CFAP61: variants seen among roughly 807,000 people sequenced by gnomAD.
CFAP61 encodes cilia- and flagella-associated protein 61.
In CFAP61, 107 loss-of-function variants were observed where a neutral mutation model predicts 135.6. The ratio of observed to expected loss-of-function variants is 0.79; its 90% CI spans 0.67 to 0.93. The LOEUF (loss-of-function observed/expected upper bound fraction) is 0.93, where lower values mean the gene tolerates loss of function less well. Among genes scored for constraint, CFAP61 ranks in the 40% least tolerant of loss-of-function variants. CFAP61 has a pLI of 0.00. For synonymous variants in CFAP61, 575 were observed against 578.5 expected (o/e 0.99, Z 0.09); for missense variants, 1,507 against 1,556.2 (o/e 0.97, Z 0.53).
intron 9 of CFAP61, among the ~76,000 whole-genome samples, chr20:20,149,653 A>G (rs2052232156): frequency 6.6e-6 from 1 of 152,242 alleles, no homozygotes; most frequent in Admixed American, 6.5e-5. Context: ...AGTGTGAAAT[A>G]TAAAAGTAGA....
chr20:20,282,349 T>G (rs895745466), intron 22 of CFAP61, among the ~76,000 whole-genome samples: 2 of 152,160 alleles, frequency 1.3e-5, no homozygotes, highest in Non-Finnish European at 2.9e-5. Flanking sequence ...CTTCTTGCTT[T>G]GGATTTACTT....
intron 18 of CFAP61, among the ~76,000 whole-genome samples, chr20:20,239,414 T>C (rs1324121717): frequency 6.6e-6 from 1 of 152,186 alleles, no homozygotes; most frequent in African/African-American, 2.4e-5. Flanking sequence ...AGGAGGTTGA[T>C]GTTACAAAGA....
At chr20:20,199,634 T>G in intron 16 of CFAP61, 134 bp from the exon 17 acceptor site, 2 of 875,804 alleles carry the variant, frequency 2.3e-6, no homozygotes, top group Non-Finnish European at 1.8e-6. Flanking sequence ...GTATGTTTGT[T>G]TATTTGCTGA....
At chr20:20,303,281 G>A (rs1303959168) in intron 25 of CFAP61, among the ~76,000 whole-genome samples, 1 of 152,206 alleles carries the variant, frequency 6.6e-6, no homozygotes, top group Non-Finnish European at 1.5e-5. Context: ...GACTCGGTGA[G>A]TTTGAGACTA....
At chr20:20,141,265 T>C (rs888768605) in intron 8 of CFAP61, among the ~76,000 whole-genome samples, 2 of 152,130 alleles carry the variant, frequency 1.3e-5, no homozygotes, top group African/African-American at 4.8e-5. Flanking sequence ...GGAACAGACA[T>C]ATGTAGAAAT....
At chr20:20,336,218 G>A (rs1485565843) in intron 25 of CFAP61, among the ~76,000 whole-genome samples, 5 of 152,214 alleles carry the variant, frequency 3.3e-5, no homozygotes. Context: ...TCTTACTAAT[G>A]ATGGATTTGT....
intron 13 of CFAP61, among the ~76,000 whole-genome samples, chr20:20,177,843 T>C (rs1353868450): frequency 2.6e-5 from 4 of 151,426 alleles, no homozygotes; most frequent in African/African-American, 7.3e-5. Context: ...ACAGGAAGGG[T>C]GGCCATGAGT....
chr20:20,201,002 A>G, intron 17 of CFAP61: 1 of 969,012 alleles, frequency 1.0e-6, no homozygotes, highest in South Asian at 4.8e-5. Flanking sequence ...ATCATTGTAA[A>G]TTTATATGTG....
intron 25 of CFAP61, among the ~76,000 whole-genome samples, 180 bp from the exon 26 acceptor site, chr20:20,341,651 T>A (rs2058447996): frequency 6.6e-6 from 1 of 152,208 alleles, no homozygotes; most frequent in Non-Finnish European, 1.5e-5. Flanking sequence ...GGACCTGGCC[T>A]TACAGCAGGA....
intron 25 of CFAP61, among the ~76,000 whole-genome samples, chr20:20,327,572 T>C (rs2057798078): frequency 6.6e-6 from 1 of 152,128 alleles, no homozygotes; most frequent in Non-Finnish European, 1.5e-5. Flanking sequence ...AGACTCTCTT[T>C]GGGCTAAGGT....
rs6046717 is a variant in CFAP61 at position 20,192,265 on chromosome 20, A to G, written c.1590+846A>G. ...TCAAAAACGTCTTGTGGCTTCTTTC[A>G]TGTGGTTTTCTTTGCATCGTATTTT... is the stretch of plus-strand genomic sequence containing the variant. On this transcript the variant is annotated intron_variant, in intron 15 of 26. Coordinates refer to ENST00000245957, the MANE Select transcript of CFAP61 (RefSeq NM_015585.4). 5.5e-3 allele frequency among the ~76,000 whole-genome samples: 841 copies of G among 151,748 alleles called. 16 individuals are homozygous for G. Among genetic ancestry groups the G allele is most frequent in the African/African-American group, 0.018 (754 of 41,288 alleles).
intron 25 of CFAP61, among the ~76,000 whole-genome samples, chr20:20,318,803 G>A (rs1021483707): frequency 4.6e-5 from 7 of 152,226 alleles, no homozygotes; most frequent in African/African-American, 1.4e-4. Flanking sequence ...TGGGGGTCAG[G>A]AGGGATCCTG....
intron 17 of CFAP61, chr20:20,215,237 C>G (rs2047966376): frequency 6.6e-6 from 1 of 152,204 alleles, no homozygotes; most frequent in Non-Finnish European, 1.5e-5. Flanking sequence ...GTCAAAGCAG[C>G]CACTGGCTTC....
chr20:20,194,055 CT>C (rs2056114124), intron 15 of CFAP61, among the ~76,000 whole-genome samples: 2 of 152,108 alleles, frequency 1.3e-5, no homozygotes, highest in South Asian at 4.1e-4. Context: ...ATTAAATTTT[CT>C]TTTTGTATCT....
chr20:20,059,809 G>GA (rs1386707319), intron 2 of CFAP61, among the ~76,000 whole-genome samples: 1 of 151,980 alleles, frequency 6.6e-6, no homozygotes, highest in Non-Finnish European at 1.5e-5. Context: ...AAATTACCCA[G>GA]AGCTCAACAC....
At chr20:20,102,306 C>T (rs983717316) in intron 8 of CFAP61, among the ~76,000 whole-genome samples, 1 of 152,220 alleles carries the variant, frequency 6.6e-6, no homozygotes, top group Non-Finnish European at 1.5e-5. Flanking sequence ...TTCCTACCAG[C>T]TGTGAAAGCA....
At chr20:20,092,335 A>G (rs549808052) in intron 7 of CFAP61, among the ~76,000 whole-genome samples, 1 of 152,336 alleles carries the variant, frequency 6.6e-6, no homozygotes, top group African/African-American at 2.4e-5. Context: ...TTTCTAAACA[A>G]ATCAGAAGGC....
chr20:20,090,741 T>A, intron 6 of CFAP61, 103 bp from the exon 7 acceptor site: 1 of 956,570 alleles, frequency 1.0e-6, no homozygotes, highest in Non-Finnish European at 1.6e-6. Context: ...TGAGTGTTGC[T>A]CTAGCCCCGG....
In CFAP61 at chr20:20,269,156, C is replaced by CATGTATATAT. The variant is rs1569219299; in HGVS notation, c.2503+6027_2503+6028insTGTATATATA. ...ATATATATATATATATACACACACA[C>CATGTATATAT]ACACACACATACATATATGTATATA... is the stretch of plus-strand genomic sequence containing the variant. On this transcript the variant is annotated intron_variant, in intron 21 of 26. Coordinates refer to ENST00000245957, the MANE Select transcript of CFAP61 (RefSeq NM_015585.4). 4.0e-4 allele frequency among the ~76,000 whole-genome samples: 38 copies of CATGTATATAT among 94,612 alleles called. 1 individual carries two copies. The highest frequency in any genetic ancestry group is 0.013 in the Middle Eastern group (2 of 154). 62.1% of individuals were successfully genotyped at this position (94,612 alleles called of 152,430 possible). A position where few individuals can be genotyped will look rare whatever the true frequency, so the allele number is the denominator to read the frequency against.
Sources: allele counts gnomAD v4.1 joint callset (sites outside exome capture counted in the v4.1 genomes callset), GRCh38; gene constraint gnomAD v4.1.1; transcripts MANE v1.5; gene names NCBI Gene and HGNC (gene_info 2026-07-23, HGNC 2026-07-21).